The following IQSEC1 variants were observed in gnomAD, a reference collection of about 807,000 sequenced individuals.
The protein encoded by IQSEC1 is IQ motif and SEC7 domain-containing protein 1.
In IQSEC1, 31 loss-of-function variants were observed where a neutral mutation model predicts 91.0. That is an observed-to-expected ratio of 0.34 (90% CI 0.26 to 0.46). The LOEUF (loss-of-function observed/expected upper bound fraction) is 0.46, where lower values mean the gene tolerates loss of function less well. IQSEC1 is among the 20% of genes least tolerant of loss of function. The probability of loss-of-function intolerance (pLI) is 1.00; values close to 1 mark genes in which losing one functional copy is unlikely to be tolerated. For synonymous variants in IQSEC1, 699 were observed against 662.6 expected (o/e 1.05, Z -0.84); for missense variants, 1,388 against 1,575.6 (o/e 0.88, Z 2.02).
rs1011279449 is a variant in IQSEC1 at position 13,211,524 on chromosome 3, G to C, written c.273-47391C>G. On this transcript the variant is annotated intron_variant, in intron 1 of 15. Transcript: ENST00000648114. This position sits in a 1 kb window ranked among gnomAD's most constrained non-coding sequence, Gnocchi z 5.3. ...ACCCCCAAGTCCCCTTTTGGGAGCAGTGTCTTCAGCCACCTCCCTGGACGC... is the reference window on the plus strand; with the variant it reads ...ACCCCCAAGTCCCCTTTTGGGAGCACTGTCTTCAGCCACCTCCCTGGACGC... Among the ~76,000 whole-genome samples, 2 of 151,912 alleles carry C rather than the reference G, an allele frequency of 1.3e-5. No individual in the cohort carries two copies. The highest frequency in any genetic ancestry group is 4.8e-5 in the African/African-American group (2 of 41,334).
At chr3:12,966,621 G>A (rs1171691935) in intron 1 of IQSEC1, among the ~76,000 whole-genome samples, 2 of 152,102 alleles carry the variant, frequency 1.3e-5, no homozygotes, top group East Asian at 1.9e-4. Context: ...AAGTAGAAAA[G>A]GGTTGGCCCC....
Position 12,909,192 on chromosome 3 carries a change from G to T in IQSEC1, c.2578+81C>A. On this transcript the variant is annotated intron_variant, in intron 11 of 13. Transcript: ENST00000613206. The surrounding 1 kb of genome is among the most constrained non-coding windows in gnomAD (Gnocchi z 4.9). ...GGGACATCTTGTCTCTGTGAGCTCA[G>T]AAGTCACTGCCCTGACATGGGGAGG... 1.4e-6 allele frequency: 2 copies of T among 1,450,386 alleles called. No homozygotes were observed. The allele number at this position is 1,450,386 out of a possible 1,614,324, so 89.8% of individuals were successfully genotyped here. A position where few individuals can be genotyped will look rare whatever the true frequency, so the allele number is the denominator to read the frequency against.
chr3:13,276,508 G>A (rs1426962355), intron 1 of IQSEC1, among the ~76,000 whole-genome samples: 1 of 152,140 alleles, frequency 6.6e-6, no homozygotes, highest in Admixed American at 6.5e-5. Flanking sequence ...CCATTTTCAT[G>A]GGGAGAGACA....
chr3:13,151,979 C>T (rs1707008451), intron 2 of IQSEC1, among the ~76,000 whole-genome samples: 1 of 152,028 alleles, frequency 6.6e-6, no homozygotes, highest in African/African-American at 2.4e-5. Flanking sequence ...AAAAACAAAA[C>T]AACAACAACA....
intron 1 of IQSEC1, among the ~76,000 whole-genome samples, chr3:13,183,473 G>A (rs1314092118): frequency 6.7e-6 from 1 of 149,784 alleles, no homozygotes; most frequent in Non-Finnish European, 1.5e-5. Context: ...GGCTGAGGCA[G>A]GAGAATTGCT....
chr3:13,038,262 G>GTATATATATA (rs58338571), intron 1 of IQSEC1, among the ~76,000 whole-genome samples: 1,895 of 100,776 alleles, frequency 0.019, 39 homozygotes, highest in Admixed American at 0.044. Flanking sequence ...GTGTGTGTGT[G>GTATATATATA]TATATATATA....
chr3:12,939,628 T>C (rs1698565649), intron 2 of IQSEC1, among the ~76,000 whole-genome samples: 2 of 152,244 alleles, frequency 1.3e-5, no homozygotes, highest in African/African-American at 4.8e-5. Flanking sequence ...CAGTGGCCCT[T>C]GATGTCGCCT....
intron 1 of IQSEC1, among the ~76,000 whole-genome samples, chr3:13,219,806 T>A (rs1694622816): frequency 6.6e-6 from 1 of 152,206 alleles, no homozygotes; most frequent in Non-Finnish European, 1.5e-5. Context: ...GGGTGGCACA[T>A]CTTCATCCAT....
chr3:13,134,876 G>T (rs1222709336), intron 2 of IQSEC1, among the ~76,000 whole-genome samples: 1 of 152,132 alleles, frequency 6.6e-6, no homozygotes, highest in African/African-American at 2.4e-5. Flanking sequence ...GTGTCCTCTG[G>T]GGGTCAGAGA....
At chr3:13,050,889 TA>T (rs1704667487) in intron 1 of IQSEC1, among the ~76,000 whole-genome samples, 1 of 152,184 alleles carries the variant, frequency 6.6e-6, no homozygotes, top group African/African-American at 2.4e-5. Context: ...ACAAATAAAA[TA>T]TATTATGTTA....
In IQSEC1 at chr3:12,899,838, G is replaced by C. The variant is rs562121614; in HGVS notation, c.*1145C>G. Reference sequence around the variant, plus strand: ...TGTGGGTTGGAGGCGGGATGAGGACGTTATGGTGTTGGGGAGACGAGGATG... The same window carrying C: ...TGTGGGTTGGAGGCGGGATGAGGACCTTATGGTGTTGGGGAGACGAGGATG... On this transcript the variant is annotated 3_prime_UTR_variant, in exon 14 of 14. Transcript: ENST00000613206. 28 of 985,366 alleles carry C rather than the reference G, an allele frequency of 2.8e-5. No homozygotes were observed. The highest frequency in any genetic ancestry group is 6.1e-5 in the Admixed American group (1 of 16,284). The allele number at this position is 985,366 out of a possible 1,614,324, so 61.0% of individuals were successfully genotyped here. A position where few individuals can be genotyped will look rare whatever the true frequency, so the allele number is the denominator to read the frequency against.
intron 1 of IQSEC1, among the ~76,000 whole-genome samples, chr3:13,270,932 A>G (rs763211779): frequency 2.0e-5 from 3 of 152,228 alleles, no homozygotes; most frequent in Non-Finnish European, 4.4e-5. Flanking sequence ...TAGGCTGAAA[A>G]TGAAAGGATG....
chr3:13,240,939 A>C (rs1420989396), intron 1 of IQSEC1, among the ~76,000 whole-genome samples: 14 of 152,196 alleles, frequency 9.2e-5, no homozygotes, highest in Admixed American at 9.2e-4. Flanking sequence ...TTGGAAAAAA[A>C]CAGAAGTCTT....
intron 1 of IQSEC1, among the ~76,000 whole-genome samples, chr3:13,009,238 G>A (rs1454060360): frequency 6.6e-6 from 1 of 152,208 alleles, no homozygotes; most frequent in African/African-American, 2.4e-5. Flanking sequence ...GTCACACAGT[G>A]CGGTGACAGC....
At chr3:13,098,996 A>G (rs1706012235) in intron 2 of IQSEC1, among the ~76,000 whole-genome samples, 1 of 152,258 alleles carries the variant, frequency 6.6e-6, no homozygotes, top group Non-Finnish European at 1.5e-5. Flanking sequence ...TATGTCAGGT[A>G]GCGATCAGTT....
chr3:13,176,400 C>T (rs745479677), intron 1 of IQSEC1, among the ~76,000 whole-genome samples: 15 of 152,194 alleles, frequency 9.9e-5, no homozygotes, highest in East Asian at 7.7e-4. Flanking sequence ...TCTCCAGACC[C>T]CATGAGAGAC....
chr3:13,258,328 C>T (rs554854684), intron 1 of IQSEC1, among the ~76,000 whole-genome samples: 4 of 152,262 alleles, frequency 2.6e-5, no homozygotes, highest in Non-Finnish European at 5.9e-5. Flanking sequence ...ACCTAAAGTG[C>T]TCTAAAAGTA....
At chr3:13,056,764 T>C (rs1704896313) in intron 1 of IQSEC1, among the ~76,000 whole-genome samples, 1 of 152,178 alleles carries the variant, frequency 6.6e-6, no homozygotes, top group Admixed American at 6.5e-5. Flanking sequence ...GTCCTTCCAC[T>C]GGAAGTCCTT....
chr3:13,269,981 C>T (rs562779931), intron 1 of IQSEC1, among the ~76,000 whole-genome samples: 4 of 152,288 alleles, frequency 2.6e-5, no homozygotes, highest in Admixed American at 1.3e-4. Context: ...CCTTTTAGAA[C>T]ACTGGCTCTG....
Sources: gnomAD v4.1 joint callset for allele counts (sites outside exome capture counted in the v4.1 genomes callset) on GRCh38, gnomAD v4.1.1 for gene constraint, Gnocchi (gnomAD v3.1) non-coding constraint, MANE v1.5 for transcripts, NCBI Gene and HGNC (gene_info 2026-07-23, HGNC 2026-07-21) for gene names.